FGF14: variants seen among roughly 807,000 people sequenced by gnomAD.
The protein encoded by FGF14 is fibroblast growth factor 14.
A neutral mutation model predicts 25.5 loss-of-function variants in FGF14; 5 were observed. The ratio of observed to expected loss-of-function variants is 0.20; its 90% confidence interval spans 0.10 to 0.41. The LOEUF (loss-of-function observed/expected upper bound fraction) is 0.41, where lower values mean the gene tolerates loss of function less well. Ranked by LOEUF, FGF14 falls within the 10% of genes least tolerant of loss-of-function variation. The pLI is 1.00. For synonymous variants in FGF14, 138 were observed against 118.3 expected (o/e 1.17, Z -1.08); for missense variants, 222 against 320.1 (o/e 0.69, Z 2.34).
At chr13:102,310,476 G>C (rs558574089) in intron 1 of FGF14, among the ~76,000 whole-genome samples, 2 of 152,070 alleles carry the variant, frequency 1.3e-5, no homozygotes, top group Non-Finnish European at 2.9e-5. Flanking sequence ...CTTACTTTTT[G>C]AAATTAGAAT....
intron 3 of FGF14, among the ~76,000 whole-genome samples, chr13:101,774,531 C>T (rs1371761339): frequency 6.6e-6 from 1 of 152,110 alleles, no homozygotes; most frequent in African/African-American, 2.4e-5. Flanking sequence ...TGAAGGTAGT[C>T]TTGCTGGTTT....
intron 3 of FGF14, among the ~76,000 whole-genome samples, chr13:101,863,736 C>T (rs1184345658): frequency 6.6e-6 from 1 of 152,090 alleles, no homozygotes; most frequent in African/African-American, 2.4e-5. Context: ...ATTTCTATAC[C>T]CTAAACTTGA....
At chr13:102,209,594 G>C (rs1049945196) in intron 1 of FGF14, among the ~76,000 whole-genome samples, 1 of 152,178 alleles carries the variant, frequency 6.6e-6, no homozygotes. Flanking sequence ...TCTCCAGTGA[G>C]AGGCAGCTAT....
intron 1 of FGF14, among the ~76,000 whole-genome samples, chr13:102,057,289 T>C (rs1350913471): frequency 6.6e-6 from 1 of 152,290 alleles, no homozygotes; most frequent in South Asian, 2.1e-4. Flanking sequence ...AAAAATCTTA[T>C]AGTTTAATGA....
intron 1 of FGF14, among the ~76,000 whole-genome samples, chr13:102,323,740 T>C (rs1036999099): frequency 2.0e-5 from 3 of 152,130 alleles, no homozygotes. Flanking sequence ...TAAGAACAAA[T>C]TGGAATTAAG....
intron 1 of FGF14, among the ~76,000 whole-genome samples, chr13:102,040,430 A>G (rs2041678160): frequency 6.6e-6 from 1 of 152,156 alleles, no homozygotes; most frequent in South Asian, 2.1e-4. Context: ...ATTTCAGAAA[A>G]TCTTGCATTT....
chr13:101,803,330 A>G (rs2041006633), intron 3 of FGF14, among the ~76,000 whole-genome samples: 1 of 151,848 alleles, frequency 6.6e-6, no homozygotes, highest in South Asian at 2.1e-4. Context: ...GGGTCTCACT[A>G]TGTTGCCAAG....
intron 3 of FGF14, among the ~76,000 whole-genome samples, chr13:101,863,425 C>T (rs1273129493): frequency 1.1e-4 from 17 of 152,258 alleles, no homozygotes; most frequent in Middle Eastern, 3.4e-3. Context: ...TTTGATTAAG[C>T]ACATGCACTG....
Position 101,955,775 on chromosome 13 carries a change from A to G in FGF14, c.209-80479T>C, listed in dbSNP as rs376725555. ...ATCTGGAATCAAGACCTTTGCTCCAACATAAAAGGGAAGAGACACTTGATG... is the reference window on the plus strand; with the variant it reads ...ATCTGGAATCAAGACCTTTGCTCCAGCATAAAAGGGAAGAGACACTTGATG... On this transcript the variant is annotated intron_variant, in intron 1 of 4. Transcript: ENST00000376131. 4.6e-5 allele frequency among the ~76,000 whole-genome samples: 7 copies of G among 152,356 alleles called. No homozygotes were observed. In the South Asian group the frequency reaches 1.4e-3, roughly 32 times the overall value.
intron 1 of FGF14, among the ~76,000 whole-genome samples, chr13:101,970,162 A>G (rs2037505569): frequency 6.6e-6 from 1 of 152,220 alleles, no homozygotes; most frequent in Non-Finnish European, 1.5e-5. Flanking sequence ...GAGAGGCTGA[A>G]TATTTTTCGG....
chr13:102,354,767 T>C (rs1326795492), intron 1 of FGF14, among the ~76,000 whole-genome samples: 1 of 152,206 alleles, frequency 6.6e-6, no homozygotes, highest in East Asian at 1.9e-4. Context: ...TCATCAATAT[T>C]GTTGAAAGAA....
chr13:101,926,858 C>G (rs1232679907), intron 1 of FGF14, among the ~76,000 whole-genome samples: 1 of 152,076 alleles, frequency 6.6e-6, no homozygotes, highest in Non-Finnish European at 1.5e-5. Flanking sequence ...TAAGAATTTG[C>G]CTTAACCGTA....
chr13:102,358,714 G>C (rs2057484221), intron 1 of FGF14, among the ~76,000 whole-genome samples: 1 of 152,122 alleles, frequency 6.6e-6, no homozygotes, highest in African/African-American at 2.4e-5. Flanking sequence ...AGATAATGAA[G>C]ATATTGGAAA....
At chr13:102,022,231 C>G (rs1488035851) in intron 1 of FGF14, among the ~76,000 whole-genome samples, 2 of 152,020 alleles carry the variant, frequency 1.3e-5, no homozygotes, top group African/African-American at 4.8e-5. Context: ...CCAGTTGCCT[C>G]TACTGGAACT....
At chr13:102,161,646 G>GAAGAAGAAGAAGA (rs2047730088) in intron 1 of FGF14, among the ~76,000 whole-genome samples, 1 of 14,548 alleles carries the variant, frequency 6.9e-5, no homozygotes, top group Non-Finnish European at 1.4e-4. Context: ...AGAAGAAGAA[G>GAAGAAGAAGAAGA]AAGAAGAAGA....
chr13:102,250,453 C>A (rs1423476137), intron 1 of FGF14, among the ~76,000 whole-genome samples: 1 of 152,132 alleles, frequency 6.6e-6, no homozygotes, highest in Non-Finnish European at 1.5e-5. Flanking sequence ...ATCATAGCCT[C>A]ATCCAAGCCT....
chr13:102,175,180 T>G (rs1362934947), intron 1 of FGF14, among the ~76,000 whole-genome samples: 1 of 152,074 alleles, frequency 6.6e-6, no homozygotes, highest in Non-Finnish European at 1.5e-5. Flanking sequence ...CATCACATTA[T>G]GTGACTTTAA....
At chr13:101,992,986 AAAG>A (rs1464513523) in intron 1 of FGF14, among the ~76,000 whole-genome samples, 8 of 152,028 alleles carry the variant, frequency 5.3e-5, no homozygotes, top group Non-Finnish European at 1.2e-4. Context: ...AAGAGAACAC[AAAG>A]AAGGATAAAT....
intron 1 of FGF14, chr13:102,293,421 T>C (rs2054531321): frequency 6.6e-6 from 1 of 152,200 alleles, no homozygotes; most frequent in Admixed American, 6.5e-5. Context: ...ATTGCTACCA[T>C]AGGTACTGCA....
Sources: gnomAD v4.1 joint callset for allele counts (sites outside exome capture counted in the v4.1 genomes callset) on GRCh38, gnomAD v4.1.1 for gene constraint, MANE v1.5 for transcripts, NCBI Gene and HGNC (gene_info 2026-07-23, HGNC 2026-07-21) for gene names.